TUFT1: variants seen among roughly 807,000 people sequenced by gnomAD.
The protein encoded by TUFT1 is tuftelin 1.
In TUFT1, 43 loss-of-function variants were observed where a neutral mutation model predicts 57.8. The observed-to-expected ratio is 0.74, with a 90% confidence interval of 0.58 to 0.96. The LOEUF (loss-of-function observed/expected upper bound fraction) is 0.96. Ranked by LOEUF, TUFT1 falls within the 40% of genes least tolerant of loss-of-function variation. The pLI is 0.00. For missense variants in TUFT1, 459 were observed against 489.0 expected (o/e 0.94, Z 0.58); for synonymous variants, 166 against 176.7 (o/e 0.94, Z 0.48).
At chr1:151,557,895 G>A in intron 1 of TUFT1, 1 of 703,434 alleles carries the variant, frequency 1.4e-6, no homozygotes. Flanking sequence ...CCGAATTCCA[G>A]TTTAGAGGTG....
At chr1:151,576,562 T>C (rs1327770643) in intron 9 of TUFT1, among the ~76,000 whole-genome samples, 1 of 152,200 alleles carries the variant, frequency 6.6e-6, no homozygotes, top group Non-Finnish European at 1.5e-5. Context: ...GGTTCCCATA[T>C]CCTCTTTTCA....
intron 11 of TUFT1, among the ~76,000 whole-genome samples, chr1:151,580,096 C>G (rs1666596113): frequency 6.6e-6 from 1 of 152,128 alleles, no homozygotes; most frequent in African/African-American, 2.4e-5. Context: ...GGAGCCTTTT[C>G]CAGGGCTAGA....
intron 1 of TUFT1, among the ~76,000 whole-genome samples, chr1:151,541,980 G>A (rs1340769244): frequency 6.6e-6 from 1 of 152,090 alleles, no homozygotes. Context: ...CTGAGTAGCT[G>A]GGACTTCAGA....
At chr1:151,544,925 T>C (rs567512459) in intron 1 of TUFT1, among the ~76,000 whole-genome samples, 3 of 152,328 alleles carry the variant, frequency 2.0e-5, no homozygotes, top group African/African-American at 7.2e-5. Context: ...CTCCCACCCC[T>C]GACATGCTTC....
At chr1:151,567,165 G>T (rs571751292) in intron 6 of TUFT1, among the ~76,000 whole-genome samples, 1 of 152,204 alleles carries the variant, frequency 6.6e-6, no homozygotes, top group African/African-American at 2.4e-5. Flanking sequence ...CTCCCAGAGT[G>T]CTGGGATTAT....
At chr1:151,553,816 G>A (rs1020326901) in intron 1 of TUFT1, among the ~76,000 whole-genome samples, 2 of 152,034 alleles carry the variant, frequency 1.3e-5, no homozygotes, top group South Asian at 2.1e-4. Flanking sequence ...TGAACACTTC[G>A]TATTTTTTTT....
intron 10 of TUFT1, among the ~76,000 whole-genome samples, 178 bp from the exon 11 acceptor site, chr1:151,579,471 C>G (rs1363989677): frequency 6.6e-6 from 1 of 152,122 alleles, no homozygotes; most frequent in African/African-American, 2.4e-5. Context: ...CTCCTCACTC[C>G]CACCCCTGGG....
intron 1 of TUFT1, among the ~76,000 whole-genome samples, chr1:151,552,834 A>T (rs964034539): frequency 6.6e-6 from 1 of 151,894 alleles, no homozygotes; most frequent in Non-Finnish European, 1.5e-5. Flanking sequence ...TTAAATTTTC[A>T]ATTTTTATTA....
intron 7 of TUFT1, among the ~76,000 whole-genome samples, chr1:151,571,589 T>C (rs1001351879): frequency 6.6e-6 from 1 of 152,104 alleles, no homozygotes; most frequent in Non-Finnish European, 1.5e-5. Context: ...TTGTATAATT[T>C]AGTTGGTGAT....
At position 151,579,638 on chromosome 1, in the gene TUFT1, C is replaced by T. The variant is rs1666582058; in HGVS notation, c.925-11C>T. Reference sequence around the variant, plus strand: ...GCAAAATGAGCTCCAGTGTCTCCCACACCTTTGCAGCTCCAGAATTCAAAA... The same window carrying T: ...GCAAAATGAGCTCCAGTGTCTCCCATACCTTTGCAGCTCCAGAATTCAAAA... On this transcript the variant is annotated splice_polypyrimidine_tract_variant and intron_variant, in intron 10 of 12. Transcript: ENST00000368849. 6.2e-7 allele frequency: 1 copy of T among 1,613,714 alleles called. No individual in the cohort carries two copies. Among genetic ancestry groups the T allele is most frequent in the Non-Finnish European group, 8.5e-7 (1 of 1,179,794 alleles).
At chr1:151,553,815 C>A (rs1010741839) in intron 1 of TUFT1, among the ~76,000 whole-genome samples, 2 of 151,892 alleles carry the variant, frequency 1.3e-5, no homozygotes, top group Non-Finnish European at 2.9e-5. Context: ...CTGAACACTT[C>A]GTATTTTTTT....
chr1:151,562,604 C>G lies in TUFT1; in HGVS notation c.155C>G (p.Ala52Gly). 7 of 1,612,286 alleles carry G rather than the reference C, an allele frequency of 4.3e-6. No homozygotes were observed. The highest frequency in any genetic ancestry group is 5.9e-6 in the Non-Finnish European group (7 of 1,179,910). The change falls in exon 3 of 13, where the codon GCC becomes GGC. Residue 52 changes from alanine to glycine, a missense_variant. Transcript: ENST00000368849. ...IAQKAGRKTY[A>G]MVSSHSAGHS... The stretch of plus-strand genomic sequence containing the variant: ...GGCCAGGCGGGCAGGAAGACCTATG[C>G]CATGGTGTCCAGCCACTCAGCTGGT...
chr1:151,552,300 G>A (rs1665536432), intron 1 of TUFT1, among the ~76,000 whole-genome samples: 1 of 152,190 alleles, frequency 6.6e-6, no homozygotes, highest in African/African-American at 2.4e-5. Context: ...ATGCTACTGT[G>A]AACTTTCTAG....
At chr1:151,548,818 C>G (rs1003741727) in intron 1 of TUFT1, among the ~76,000 whole-genome samples, 3 of 152,160 alleles carry the variant, frequency 2.0e-5, no homozygotes, top group Admixed American at 1.3e-4. Context: ...TGACTCCTAC[C>G]CAGTCCTAGT....
At chr1:151,560,959 TGTGTGTGTG>T (rs1665865885) in intron 1 of TUFT1, among the ~76,000 whole-genome samples, 9 of 14,600 alleles carry the variant, frequency 6.2e-4, no homozygotes, top group African/African-American at 7.2e-4. Context: ...CAAAGTATTG[TGTGTGTGTG>T]TGTGTGTGTG....
At chr1:151,543,412 G>C (rs1162490816) in intron 1 of TUFT1, among the ~76,000 whole-genome samples, 1 of 151,552 alleles carries the variant, frequency 6.6e-6, no homozygotes, top group Non-Finnish European at 1.5e-5. Context: ...ATATGTTTTT[G>C]AGATTGAAAA....
Position 151,566,225 on chromosome 1 carries a change from T to C in TUFT1, c.477T>C (p.Pro159=), listed in dbSNP as rs745809732. The C allele has an allele frequency of 2.5e-6, 4 of 1,610,666 alleles. No homozygotes were observed. The South Asian group carries it at 4.4e-5, about 18-fold the overall frequency. ...CCACAGCCCTGTACAGCAGCCCACCTGAGGTAGGTAACAGAGGACACCATG... is the reference window on the plus strand; with the variant it reads ...CCACAGCCCTGTACAGCAGCCCACCCGAGGTAGGTAACAGAGGACACCATG... ...QSPTALYSSP[P]EVDTCINEDV... Residue 159 remains proline (P), a synonymous_variant, in exon 6 of 13, where the codon CCT becomes CCC. Transcript: ENST00000368849.
chr1:151,580,545 C>T (rs527529687), intron 11 of TUFT1, among the ~76,000 whole-genome samples: 1 of 151,330 alleles, frequency 6.6e-6, no homozygotes. Context: ...CATCTGTAGT[C>T]CAGTTACTTG....
intron 9 of TUFT1, among the ~76,000 whole-genome samples, chr1:151,576,771 G>A (rs1174849766): frequency 6.6e-6 from 1 of 152,084 alleles, no homozygotes. Flanking sequence ...CTACAGGCGT[G>A]TGCCACCACA....
Sources: gnomAD v4.1 joint callset for allele counts (sites outside exome capture counted in the v4.1 genomes callset) on GRCh38, gnomAD v4.1.1 for gene constraint, MANE v1.5 for transcripts, NCBI Gene and HGNC (gene_info 2026-07-23, HGNC 2026-07-21) for gene names.